The following BICC1 variants were observed in gnomAD, a reference collection of about 807,000 sequenced individuals.
BICC1 encodes the protein protein bicaudal C homolog 1.
A neutral mutation model predicts 111.0 loss-of-function variants in BICC1; 43 were observed. The observed-to-expected ratio is 0.39, with a 90% confidence interval of 0.30 to 0.50. The LOEUF is 0.50. BICC1 is among the 20% of genes least tolerant of loss of function. The pLI is 0.88. For missense variants in BICC1, 1,091 were observed against 1,203.2 expected (o/e 0.91, Z 1.38); for synonymous variants, 467 against 434.4 (o/e 1.07, Z -0.93).
intron 1 of BICC1, among the ~76,000 whole-genome samples, chr10:58,525,807 T>C (rs543128612): frequency 6.6e-6 from 1 of 152,176 alleles, no homozygotes; most frequent in South Asian, 2.1e-4. Context: ...TTTTTCTGCC[T>C]TGAATTAGAG....
intron 14 of BICC1, among the ~76,000 whole-genome samples, chr10:58,802,683 T>C (rs1843585689): frequency 6.6e-6 from 1 of 152,242 alleles, no homozygotes; most frequent in Non-Finnish European, 1.5e-5. Context: ...GGATGAATCA[T>C]TGATATCTCC....
chr10:58,759,080 C>G (rs897273181), intron 3 of BICC1, among the ~76,000 whole-genome samples: 3 of 151,946 alleles, frequency 2.0e-5, no homozygotes, highest in Non-Finnish European at 4.4e-5. Flanking sequence ...CTGCCTCAGC[C>G]TCCTGAGTAG....
At chr10:58,808,697 C>T (rs1843793394) in intron 17 of BICC1, among the ~76,000 whole-genome samples, 1 of 148,082 alleles carries the variant, frequency 6.8e-6, no homozygotes, top group African/African-American at 2.5e-5. Context: ...GTTGTCAGTT[C>T]TTAGTGATAT....
intron 1 of BICC1, among the ~76,000 whole-genome samples, chr10:58,601,510 G>A (rs4948525): frequency 0.44 from 66,779 of 151,472 alleles, 16,415 homozygotes; most frequent in Admixed American, 0.62. Context: ...CTTATTATGT[G>A]TATTACTAAG....
chr10:58,769,372 ATGTATGTGTGTG>A (rs1417461992), intron 3 of BICC1, among the ~76,000 whole-genome samples: 3 of 86,204 alleles, frequency 3.5e-5, no homozygotes, highest in Non-Finnish European at 4.9e-5. Flanking sequence ...TAGTTTTATA[ATGTATGTGTGTG>A]TGTGTGTGTG....
chr10:58,796,722 C>A (rs1456195580), intron 10 of BICC1, among the ~76,000 whole-genome samples, 196 bp downstream of exon 10: 1 of 151,996 alleles, frequency 6.6e-6, no homozygotes, highest in Non-Finnish European at 1.5e-5. Context: ...TACCCAGATT[C>A]TTCCCATGTT....
intron 1 of BICC1, among the ~76,000 whole-genome samples, chr10:58,599,426 C>T (rs1588911599): frequency 6.6e-6 from 1 of 152,106 alleles, no homozygotes; most frequent in Admixed American, 6.5e-5. Context: ...TGCATGTTCT[C>T]ACTCATAAGT....
chr10:58,703,360 A>C (rs956977559), intron 3 of BICC1, among the ~76,000 whole-genome samples: 1 of 151,808 alleles, frequency 6.6e-6, no homozygotes, highest in South Asian at 2.1e-4. Context: ...GAGTTTCACT[A>C]TATGTTGCTC....
intron 2 of BICC1, among the ~76,000 whole-genome samples, chr10:58,681,312 T>G (rs1423382434): frequency 6.6e-6 from 1 of 150,750 alleles, no homozygotes; most frequent in Non-Finnish European, 1.5e-5. Flanking sequence ...GAACTTAGAC[T>G]AATAAGAAAA....
chr10:58,561,473 G>A (rs1843602159), intron 1 of BICC1, among the ~76,000 whole-genome samples: 1 of 151,688 alleles, frequency 6.6e-6, no homozygotes. Flanking sequence ...GCATATAACT[G>A]GGTCTTGTTT....
At chr10:58,576,419 T>C (rs544154064) in intron 1 of BICC1, among the ~76,000 whole-genome samples, 1 of 152,182 alleles carries the variant, frequency 6.6e-6, no homozygotes, top group Non-Finnish European at 1.5e-5. Context: ...AAATACTCTT[T>C]AATTTCTGTA....
intron 3 of BICC1, among the ~76,000 whole-genome samples, chr10:58,726,664 C>T (rs1324105765): frequency 1.3e-5 from 2 of 152,196 alleles, no homozygotes; most frequent in African/African-American, 4.8e-5. Context: ...AGGCCTCCAT[C>T]CATCCTGTGT....
intron 2 of BICC1, among the ~76,000 whole-genome samples, chr10:58,652,696 G>A (rs933754492): frequency 6.6e-6 from 1 of 151,838 alleles, no homozygotes; most frequent in African/African-American, 2.4e-5. Flanking sequence ...TTTTAATATT[G>A]TTTACCTCGT....
At chr10:58,578,140 A>G (rs1037258227) in intron 1 of BICC1, among the ~76,000 whole-genome samples, 13 of 152,006 alleles carry the variant, frequency 8.6e-5, no homozygotes, top group Admixed American at 5.9e-4. Context: ...GACAATTAAC[A>G]TTTTCCCTTA....
chr10:58,532,566 C>T (rs771570406), intron 1 of BICC1, among the ~76,000 whole-genome samples: 9 of 151,580 alleles, frequency 5.9e-5, no homozygotes, highest in Admixed American at 2.0e-4. Context: ...TAAGAAGGGA[C>T]GAGATGATGA....
chr10:58,817,539 C>G, intron 18 of BICC1, 23 bp from the exon 19 acceptor site: 1 of 1,612,844 alleles, frequency 6.2e-7, no homozygotes, highest in East Asian at 2.2e-5. Context: ...ACACTTCAAG[C>G]CTGTCTCTCC....
intron 1 of BICC1, among the ~76,000 whole-genome samples, chr10:58,572,149 T>C (rs1000063542): frequency 2.6e-5 from 4 of 152,164 alleles, no homozygotes; most frequent in African/African-American, 7.2e-5. Flanking sequence ...TGTCTGTTCA[T>C]GTCCTTTGCC....
intron 3 of BICC1, among the ~76,000 whole-genome samples, chr10:58,769,013 T>C (rs1454583025): frequency 2.0e-5 from 3 of 152,056 alleles, no homozygotes; most frequent in Non-Finnish European, 4.4e-5. Flanking sequence ...TGGAGGACAT[T>C]ATGTTAAGCG....
chr10:58,594,561 G>A, intron 1 of BICC1, among the ~76,000 whole-genome samples: 1 of 152,072 alleles, frequency 6.6e-6, no homozygotes, highest in East Asian at 1.9e-4. Flanking sequence ...AGAGGGTAGG[G>A]GCCAATATTC....
Sources: allele counts gnomAD v4.1 joint callset (sites outside exome capture counted in the v4.1 genomes callset), GRCh38; gene constraint gnomAD v4.1.1; transcripts MANE v1.5; gene names NCBI Gene and HGNC (gene_info 2026-07-23, HGNC 2026-07-21).